Variants in ZNF584 observed in about 807,000 individuals in gnomAD.
ZNF584 encodes zinc finger protein 584.
In ZNF584, 12 loss-of-function variants were observed where a neutral mutation model predicts 14.7. That is an observed-to-expected ratio of 0.82 (90% confidence interval 0.52 to 1.32). The LOEUF is 1.32. Among genes scored for constraint, ZNF584 ranks in the 40% most tolerant of loss-of-function variants. ZNF584 has a pLI of 0.00. For synonymous variants in ZNF584, 204 were observed against 190.9 expected, an observed-to-expected ratio of 1.07 and a Z score of -0.57; for missense variants, 478 against 518.8, an observed-to-expected ratio of 0.92 and a Z score of 0.76.
At chr19:58,408,543 G>A (rs1488507248), upstream of ZNF584, 3 of 152,368 alleles carry the variant, frequency 2.0e-5, no homozygotes, top group Admixed American at 6.5e-5. Context: ...GAACGTTCCC[G>A]TTCCTGGGCC....
Position 58,408,810 on chromosome 19 carries a change from G to C in ZNF584, c.-338G>C, listed in dbSNP as rs994902608. On this transcript the variant is annotated 5_prime_UTR_variant, in exon 1 of 4. Coordinates refer to ENST00000306910, the MANE Select transcript of ZNF584 (RefSeq NM_173548.3). ...GCGGGAAGGCTGTCCCGGCGCCTCA[G>C]GCAGCTCTGCGTGGGCCGGGGTGAC... 2.2e-5 allele frequency: 6 copies of C among 269,764 alleles called. No individual in the cohort carries two copies. The highest frequency in any genetic ancestry group is 2.1e-5 in the Non-Finnish European group (3 of 141,622). 16.7% of individuals were successfully genotyped at this position (269,764 alleles called of 1,614,324 possible).
chr19:58,403,583 G>T (rs910505919), intron 1 of ZNF584, among the ~76,000 whole-genome samples: 10 of 152,094 alleles, frequency 6.6e-5, no homozygotes, highest in Non-Finnish European at 1.5e-4. Flanking sequence ...AAAGTATTTT[G>T]TACTATATTG....
intron 1 of ZNF584, among the ~76,000 whole-genome samples, chr19:58,409,426 A>G (rs74395201): frequency 0.036 from 5,497 of 152,314 alleles, 333 homozygotes; most frequent in African/African-American, 0.12. Context: ...GCAATTGCCT[A>G]TAGGGTAAAC....
At chr19:58,416,598 C>T (rs1445682411) in intron 3 of ZNF584, 19 of 432,264 alleles carry the variant, frequency 4.4e-5, no homozygotes, top group Non-Finnish European at 5.6e-5. Flanking sequence ...GATGGGGTTT[C>T]GTCGTGTTGG....
At chr19:58,415,414 T>G in intron 2 of ZNF584, 110 bp from the exon 3 acceptor site, 3 of 1,291,822 alleles carry the variant, frequency 2.3e-6, no homozygotes, top group Non-Finnish European at 3.2e-6. Flanking sequence ...CCCAGGCTGG[T>G]TGCGAACGTC....
At chr19:58,407,728 G>A (rs2052485979), upstream of ZNF584, among the ~76,000 whole-genome samples, 1 of 152,178 alleles carries the variant, frequency 6.6e-6, no homozygotes, top group Non-Finnish European at 1.5e-5. Flanking sequence ...TAAGAACTCC[G>A]TTCGTCCGGG....
chr19:58,410,665 GTATA>G (rs1340444046), intron 2 of ZNF584, among the ~76,000 whole-genome samples: 1 of 10,396 alleles, frequency 9.6e-5, no homozygotes, highest in Non-Finnish European at 1.8e-4. Flanking sequence ...GTGTATATAT[GTATA>G]TATGTGTATA....
At position 58,417,016 on chromosome 19, in the gene ZNF584, G is replaced by A. The variant is rs771955704; in HGVS notation, c.498G>A (p.Lys166=). 6.2e-7 allele frequency: 1 copy of A among 1,610,466 alleles called. No individual in the cohort carries two copies. The highest frequency in any genetic ancestry group is 2.2e-5 in the East Asian group (1 of 44,844). ...TGTTCAAATGCAGTGACTGTGGGAA[G>A]GTGTTCTTAAAGGCCTTTGCCCTCC... is the stretch of plus-strand genomic sequence containing the variant. ...EKLFKCSDCG[K]VFLKAFALLD... The change falls in exon 4 of 4, where the codon AAG becomes AAA. Residue 166 remains lysine, a synonymous_variant. Transcript: ENST00000306910.
At position 58,417,220 on chromosome 19, in the gene ZNF584, G is replaced by A; in HGVS notation, c.702G>A (p.Lys234=). The A allele has an allele frequency of 1.2e-6, 2 of 1,614,020 alleles. No homozygotes were observed. Among genetic ancestry groups the A allele is most frequent in the Non-Finnish European group, 1.7e-6 (2 of 1,180,004 alleles). ...SYPSKLRKHQ[K]VHTGIKPFKC... is the part of the protein sequence containing the mutation. ...CGTCTAAGCTGAGGAAACACCAGAA[G>A]GTTCACACAGGCATAAAACCTTTTA... The change falls in exon 4 of 4, where the codon AAG becomes AAA. Residue 234 remains lysine, a synonymous_variant. Transcript: ENST00000306910.
upstream of ZNF584, chr19:58,406,517 T>C (rs1416519001): frequency 1.3e-5 from 2 of 152,182 alleles, no homozygotes; most frequent in Non-Finnish European, 2.9e-5. Context: ...GTGGACTGTT[T>C]AGTAGGGGAT....
At chr19:58,401,578 T>A (rs1227855068) in exon 1 of ZNF584, 1 of 152,122 alleles carries the variant, frequency 6.6e-6, no homozygotes, top group Non-Finnish European at 1.5e-5. Context: ...AGCACTCCGA[T>A]GGCGCTGGCG....
At chr19:58,415,090 T>G (rs1303739581) in intron 2 of ZNF584, among the ~76,000 whole-genome samples, 1 of 151,978 alleles carries the variant, frequency 6.6e-6, no homozygotes, top group African/African-American at 2.4e-5. Context: ...AAGGGGGGTT[T>G]CACCGTGTTA....
intron 2 of ZNF584, among the ~76,000 whole-genome samples, chr19:58,415,025 T>C (rs2052622765): frequency 6.6e-6 from 1 of 151,780 alleles, no homozygotes. Flanking sequence ...CCCGAGTAGC[T>C]GGGACTACAG....
chr19:58,401,949 G>A (rs1177883009), intron 1 of ZNF584, among the ~76,000 whole-genome samples: 3 of 143,340 alleles, frequency 2.1e-5, no homozygotes, highest in African/African-American at 8.0e-5. Context: ...GGCGCCTGTA[G>A]TCCCAACCAC....
At position 58,417,886 on chromosome 19, in the gene ZNF584, C is replaced by T. The variant is rs530950066; in HGVS notation, c.*102C>T. ...AGCTAAACCTTGCACATCCCAACAC[C>T]CACCCCAGGGAGAGTTCCCGTGTGT... On this transcript the variant is annotated 3_prime_UTR_variant, in exon 4 of 4. Coordinates refer to ENST00000306910, the MANE Select transcript of ZNF584 (RefSeq NM_173548.3). 8.5e-6 allele frequency: 12 copies of T among 1,416,870 alleles called. No homozygotes were observed. The African/African-American group carries it at 1.6e-4, about 19-fold the overall frequency. 87.8% of individuals were successfully genotyped at this position (1,416,870 alleles called of 1,614,324 possible). A position where few individuals can be genotyped will look rare whatever the true frequency, so the allele number is the denominator to read the frequency against.
intron 2 of ZNF584, among the ~76,000 whole-genome samples, chr19:58,410,327 A>C (rs549442802): frequency 4.6e-5 from 7 of 151,250 alleles, no homozygotes; most frequent in South Asian, 4.2e-4. Flanking sequence ...CTAGTGGAGC[A>C]GGTTTTGGGG....
chr19:58,412,964 T>C (rs2052595416), intron 2 of ZNF584, among the ~76,000 whole-genome samples: 1 of 152,200 alleles, frequency 6.6e-6, no homozygotes, highest in Admixed American at 6.5e-5. Context: ...TATTTCATTA[T>C]TTTTTAATTT....
Position 58,417,884 on chromosome 19 carries a change from A to C in ZNF584, c.*100A>C. 3.5e-6 allele frequency: 5 copies of C among 1,428,114 alleles called. No homozygotes were observed. In the South Asian group the frequency reaches 4.1e-5, roughly 12 times the overall value. The allele number at this position is 1,428,114 out of a possible 1,614,324, so 88.5% of individuals were successfully genotyped here. ...GAAGCTAAACCTTGCACATCCCAAC[A>C]CCCACCCCAGGGAGAGTTCCCGTGT... On this transcript the variant is annotated 3_prime_UTR_variant, in exon 4 of 4. Coordinates refer to ENST00000306910, the MANE Select transcript of ZNF584 (RefSeq NM_173548.3).
intron 2 of ZNF584, among the ~76,000 whole-genome samples, chr19:58,412,460 C>T (rs968488477): frequency 2.0e-5 from 3 of 151,968 alleles, no homozygotes; most frequent in East Asian, 1.9e-4. Flanking sequence ...CCACTCGCCT[C>T]GGCCTCCCAA....
Sources: gnomAD v4.1 joint callset for allele counts (sites outside exome capture counted in the v4.1 genomes callset) on GRCh38, gnomAD v4.1.1 for gene constraint, MANE v1.5 for transcripts, NCBI Gene and HGNC (gene_info 2026-07-23, HGNC 2026-07-21) for gene names.